The following CADPS variants were observed in gnomAD, a reference collection of about 807,000 sequenced individuals.
CADPS encodes calcium dependent secretion activator.
A neutral mutation model predicts 167.3 loss-of-function variants in CADPS; 57 were observed. That is an observed-to-expected ratio of 0.34 (90% CI 0.28 to 0.42). The LOEUF (loss-of-function observed/expected upper bound fraction) is 0.42, where lower values mean the gene tolerates loss of function less well. Ranked by LOEUF, CADPS falls within the 20% of genes least tolerant of loss-of-function variation. CADPS has a pLI of 1.00. For synonymous variants in CADPS, 676 were observed against 635.3 expected, an observed-to-expected ratio of 1.06 and a Z score of -0.96; for missense variants, 1,414 against 1,738.1, an observed-to-expected ratio of 0.81 and a Z score of 3.32.
intron 3 of CADPS, among the ~76,000 whole-genome samples, chr3:62,715,374 C>CTATCTATG (rs2084293072): frequency 7.4e-6 from 1 of 135,812 alleles, no homozygotes; most frequent in Non-Finnish European, 1.6e-5. Flanking sequence ...ATCTATCTAC[C>CTATCTATG]TATCTATCTA....
At chr3:62,707,206 G>A (rs1363694712) in intron 3 of CADPS, among the ~76,000 whole-genome samples, 1 of 152,004 alleles carries the variant, frequency 6.6e-6, no homozygotes, top group African/African-American at 2.4e-5. Context: ...CATTCTTATA[G>A]GAGCGCGAAC....
At chr3:62,868,835 A>G (rs1312792577) in intron 1 of CADPS, among the ~76,000 whole-genome samples, 1 of 152,148 alleles carries the variant, frequency 6.6e-6, no homozygotes, top group Non-Finnish European at 1.5e-5. Context: ...GTCCAGAAAG[A>G]ACTATCAACT....
At chr3:62,413,006 G>C (rs1280587344) in intron 28 of CADPS, among the ~76,000 whole-genome samples, 1 of 152,178 alleles carries the variant, frequency 6.6e-6, no homozygotes, top group Non-Finnish European at 1.5e-5. Context: ...CAGTGAGGAG[G>C]TGTGATGGTC....
intron 10 of CADPS, among the ~76,000 whole-genome samples, chr3:62,555,934 T>C (rs2152319200): frequency 6.6e-6 from 1 of 152,214 alleles, no homozygotes; most frequent in Admixed American, 6.5e-5. Flanking sequence ...TTAATTTTTT[T>C]GTATAGATGA....
In CADPS at chr3:62,832,831, G is replaced by A. The variant is rs10510887; in HGVS notation, c.441+41758C>T. On this transcript the variant is annotated intron_variant, in intron 1 of 29. Transcript: ENST00000383710. ...TGCTGAAAAATCTCCCAATCTCGCA[G>A]TCATAAAACTAAAAGGCAGAGAAGA... 5.4e-3 allele frequency among the ~76,000 whole-genome samples: 817 copies of A among 152,324 alleles called. 8 individuals carry two copies. The highest frequency in any genetic ancestry group is 0.019 in the African/African-American group (777 of 41,572).
At chr3:62,522,802 T>A (rs6796236) in intron 13 of CADPS, among the ~76,000 whole-genome samples, 11 of 151,518 alleles carry the variant, frequency 7.3e-5, no homozygotes, top group Non-Finnish European at 1.6e-4. Context: ...GGCTAACAAC[T>A]CGCTTCTTTT....
intron 15 of CADPS, 43 bp downstream of exon 15, chr3:62,516,537 T>A: frequency 7.2e-7 from 1 of 1,397,266 alleles, no homozygotes; most frequent in East Asian, 2.3e-5. Context: ...TATGCTTATG[T>A]CTTTTTATAT....
At position 62,830,662 on chromosome 3, in the gene CADPS, C is replaced by A. The variant is rs116534832; in HGVS notation, c.441+43927G>T. 5.0e-3 allele frequency among the ~76,000 whole-genome samples: 764 copies of A among 152,226 alleles called. 7 individuals are homozygous for A. Among genetic ancestry groups the A allele is most frequent in the Non-Finnish European group, 7.0e-3 (479 of 68,014 alleles). On this transcript the variant is annotated intron_variant, in intron 1 of 29. Coordinates refer to ENST00000383710, the MANE Select transcript of CADPS (RefSeq NM_003716.4). ...GGAGCTTTATAGCTAGCTGTACAGA[C>A]CTGACTTAAGAAATCTTTCAATACA...
chr3:62,443,985 A>G (rs572807821), intron 27 of CADPS, among the ~76,000 whole-genome samples: 1 of 152,306 alleles, frequency 6.6e-6, no homozygotes, highest in Admixed American at 6.5e-5. Flanking sequence ...AGATCGAATC[A>G]TATGAAATGG....
At chr3:62,617,528 C>T (rs1016132974) in intron 6 of CADPS, among the ~76,000 whole-genome samples, 1 of 152,060 alleles carries the variant, frequency 6.6e-6, no homozygotes, top group Non-Finnish European at 1.5e-5. Context: ...GGACATGGTT[C>T]CCACTTTCAA....
At chr3:62,413,136 CA>C (rs2049293563) in intron 28 of CADPS, among the ~76,000 whole-genome samples, 1 of 152,122 alleles carries the variant, frequency 6.6e-6, no homozygotes, top group Non-Finnish European at 1.5e-5. Context: ...CACGAAGGCA[CA>C]AGATGGGAAA....
intron 26 of CADPS, among the ~76,000 whole-genome samples, chr3:62,451,020 T>C (rs1186881094): frequency 1.3e-5 from 2 of 152,168 alleles, no homozygotes; most frequent in Non-Finnish European, 2.9e-5. Flanking sequence ...CTTTTATTAA[T>C]TAGCTATATT....
At chr3:62,656,672 A>G (rs574274140) in intron 4 of CADPS, among the ~76,000 whole-genome samples, 2 of 152,180 alleles carry the variant, frequency 1.3e-5, no homozygotes, top group Non-Finnish European at 2.9e-5. Context: ...TGCACTCTGT[A>G]GGATTAAGCA....
chr3:62,507,524 A>G (rs994053893), intron 17 of CADPS, among the ~76,000 whole-genome samples: 2 of 152,098 alleles, frequency 1.3e-5, no homozygotes, highest in Non-Finnish European at 2.9e-5. Flanking sequence ...TTTAACAAAT[A>G]TATATGGAGA....
intron 13 of CADPS, among the ~76,000 whole-genome samples, chr3:62,531,429 C>T (rs986616874): frequency 1.3e-5 from 2 of 152,076 alleles, no homozygotes; most frequent in African/African-American, 4.8e-5. Context: ...AACCTTGTTG[C>T]CTGTTAAATA....
intron 3 of CADPS, among the ~76,000 whole-genome samples, chr3:62,737,974 T>C (rs1171459596): frequency 6.6e-6 from 1 of 152,178 alleles, no homozygotes; most frequent in Non-Finnish European, 1.5e-5. Context: ...TTTCTTGTTT[T>C]GCCCATTAAA....
chr3:62,494,888 C>T (rs2064416752), intron 18 of CADPS, among the ~76,000 whole-genome samples: 1 of 151,872 alleles, frequency 6.6e-6, no homozygotes, highest in African/African-American at 2.4e-5. Flanking sequence ...GTCTCAAACT[C>T]CTGGCCTCAG....
intron 3 of CADPS, among the ~76,000 whole-genome samples, chr3:62,745,666 C>G (rs140309131): frequency 5.3e-5 from 8 of 152,312 alleles, no homozygotes; most frequent in African/African-American, 1.4e-4. Flanking sequence ...AGGCTGAATA[C>G]TGAAGACCTG....
intron 1 of CADPS, among the ~76,000 whole-genome samples, chr3:62,824,498 C>G (rs1159599971): frequency 6.6e-6 from 1 of 152,040 alleles, no homozygotes; most frequent in African/African-American, 2.4e-5. Flanking sequence ...AAAAAGAAAT[C>G]AAGGGTTGCA....
Sources: gnomAD v4.1 joint callset for allele counts (sites outside exome capture counted in the v4.1 genomes callset) on GRCh38, gnomAD v4.1.1 for gene constraint, MANE v1.5 for transcripts, NCBI Gene and HGNC (gene_info 2026-07-23, HGNC 2026-07-21) for gene names.